Variants in APLP2 observed in about 807,000 individuals in gnomAD.
APLP2 encodes amyloid beta precursor like protein 2, also known as CDEI box-binding protein.
In APLP2, 53 loss-of-function variants were observed where a neutral mutation model predicts 89.9. That is an observed-to-expected ratio of 0.59 (90% confidence interval 0.47 to 0.74). APLP2 has a LOEUF of 0.74. Among genes scored for constraint, APLP2 ranks in the 30% least tolerant of loss-of-function variants. The pLI is 0.00. For missense variants in APLP2, 973 were observed against 975.9 expected (o/e 1.00, Z 0.04); for synonymous variants, 372 against 348.6 (o/e 1.07, Z -0.75).
chr11:130,087,710 C>T (rs1397078034), intron 1 of APLP2, among the ~76,000 whole-genome samples: 1 of 152,200 alleles, frequency 6.6e-6, no homozygotes, highest in Non-Finnish European at 1.5e-5. Context: ...TTGGACTCCA[C>T]CCTGCCCCTT....
rs193237072 is a variant in APLP2, at chr11:130,129,579, T to C, written c.1455+373T>C. On this transcript the variant is annotated intron_variant, in intron 10 of 16. Transcript: ENST00000338167. Reference sequence around the variant, plus strand: ...GATTATGAAGAAAGGGGTAAAGTAATTTCTTCTGAAACTCTTGTGTGAGTG... The same window carrying C: ...GATTATGAAGAAAGGGGTAAAGTAACTTCTTCTGAAACTCTTGTGTGAGTG... Among the ~76,000 whole-genome samples the C allele has an allele frequency of 2.0e-3, 299 of 152,350 alleles. 2 individuals carry two copies. Among genetic ancestry groups the C allele is most frequent in the Admixed American group, 7.1e-3 (108 of 15,310 alleles).
intron 1 of APLP2, among the ~76,000 whole-genome samples, chr11:130,095,094 C>T (rs1465916565): frequency 3.9e-5 from 4 of 101,504 alleles, no homozygotes. Context: ...AATCACAGTA[C>T]GCTTTTATGT....
At chr11:130,100,091 C>T (rs1042877024) in intron 1 of APLP2, among the ~76,000 whole-genome samples, 1 of 152,218 alleles carries the variant, frequency 6.6e-6, no homozygotes, top group Non-Finnish European at 1.5e-5. Flanking sequence ...CTCATTTAAA[C>T]GTCAGAGCAG....
chr11:130,109,367 A>G, intron 1 of APLP2, 62 bp from the exon 2 acceptor site: 1 of 1,467,942 alleles, frequency 6.8e-7, no homozygotes. Flanking sequence ...ATAGACCTGA[A>G]TGACTGTTGC....
Position 130,143,522 on chromosome 11 carries a change from C to A in APLP2, c.*74C>A. On this transcript the variant is annotated 3_prime_UTR_variant, in exon 17 of 17. Coordinates refer to ENST00000338167, the MANE Select transcript of APLP2 (RefSeq NM_001142276.2). ...AGATCCCACGATTCCGATCGACTGCCAAGCAGCAGCCGCTGCCAGGGGCTG... is the reference window on the plus strand; with the variant it reads ...AGATCCCACGATTCCGATCGACTGCAAAGCAGCAGCCGCTGCCAGGGGCTG... 4 of 1,294,766 alleles carry A rather than the reference C, an allele frequency of 3.1e-6. No individual in the cohort carries two copies. Among genetic ancestry groups the A allele is most frequent in the Non-Finnish European group, 4.5e-6 (4 of 896,800 alleles). The allele number at this position is 1,294,766 out of a possible 1,614,324, so 80.2% of individuals were successfully genotyped here. A position where few individuals can be genotyped will look rare whatever the true frequency, so the allele number is the denominator to read the frequency against.
intron 13 of APLP2, 85 bp from the exon 14 acceptor site, chr11:130,140,313 C>T (rs1952199136): frequency 1.9e-6 from 2 of 1,033,418 alleles, no homozygotes; most frequent in East Asian, 5.1e-5. Context: ...GCTCACTGGC[C>T]CTCAGGAGGG....
chr11:130,125,300 T>C (rs536647016), intron 7 of APLP2, among the ~76,000 whole-genome samples: 1 of 152,288 alleles, frequency 6.6e-6, no homozygotes, highest in African/African-American at 2.4e-5. Flanking sequence ...TGCTGTTCCC[T>C]TTTTCCAGTC....
chr11:130,142,938 G>T lies in APLP2; in HGVS notation c.2155-409G>T, dbSNP rs114995392. On this transcript the variant is annotated intron_variant, in intron 16 of 16. Coordinates refer to ENST00000338167, the MANE Select transcript of APLP2 (RefSeq NM_001142276.2). ...AGTTACTTGGTTTTATCTCCTGCTG[G>T]AGACTGGCCTAGCTGTAGAATTTCA... is the stretch of plus-strand genomic sequence containing the variant. 2.4e-3 allele frequency among the ~76,000 whole-genome samples: 362 copies of T among 152,256 alleles called. 2 individuals carry two copies. Among genetic ancestry groups the T allele is most frequent in the African/African-American group, 8.3e-3 (346 of 41,524 alleles).
At chr11:130,142,879 C>A (rs1051753710) in intron 16 of APLP2, among the ~76,000 whole-genome samples, 2 of 152,192 alleles carry the variant, frequency 1.3e-5, no homozygotes, top group African/African-American at 2.4e-5. Flanking sequence ...TCCCAAAGTG[C>A]TGGGATTACA....
At chr11:130,132,359 T>G (rs1483909679) in intron 11 of APLP2, among the ~76,000 whole-genome samples, 1 of 151,540 alleles carries the variant, frequency 6.6e-6, no homozygotes, top group African/African-American at 2.4e-5. Context: ...TCCATTTAGC[T>G]TTTTTTTTCA....
chr11:130,123,781 T>C lies in APLP2; in HGVS notation c.1090+2T>C, dbSNP rs2135967845. ...GTATGGCTGTGTGTAAAGCGATGAG[T>C]AAGTCCTGCCTCGCGCTGGTCCCGT... On this transcript the variant is annotated splice_donor_variant, in intron 7 of 16. Transcript: ENST00000338167. LOFTEE classifies it high-confidence loss of function. The surrounding 1 kb of genome is among the most constrained non-coding windows in gnomAD (Gnocchi z 4.0). The C allele has an allele frequency of 6.2e-7, 1 of 1,614,040 alleles. No homozygotes were observed. Among genetic ancestry groups the C allele is most frequent in the Non-Finnish European group, 8.5e-7 (1 of 1,179,932 alleles).
intron 1 of APLP2, among the ~76,000 whole-genome samples, chr11:130,087,394 G>A (rs942336874): frequency 6.6e-6 from 1 of 152,070 alleles, no homozygotes; most frequent in Non-Finnish European, 1.5e-5. Flanking sequence ...TAAAAATTCC[G>A]CTCTGGTTTT....
At chr11:130,138,353 G>C (rs1951881242) in intron 13 of APLP2, among the ~76,000 whole-genome samples, 1 of 152,180 alleles carries the variant, frequency 6.6e-6, no homozygotes, top group Non-Finnish European at 1.5e-5. Context: ...GGATATGCCT[G>C]TTCGTGGGGA....
At chr11:130,072,474 CTTT>C (rs562054930) in intron 1 of APLP2, among the ~76,000 whole-genome samples, 7 of 110,282 alleles carry the variant, frequency 6.3e-5, no homozygotes, top group Non-Finnish European at 3.6e-5. Context: ...GGAATATCGT[CTTT>C]TTTTTTTTTT....
chr11:130,132,754 G>A (rs1022880169), intron 11 of APLP2, among the ~76,000 whole-genome samples: 3 of 152,080 alleles, frequency 2.0e-5, no homozygotes, highest in African/African-American at 7.2e-5. Flanking sequence ...TAGCAATTTA[G>A]TTAAATAGGA....
At chr11:130,091,836 C>T (rs1487688507) in intron 1 of APLP2, among the ~76,000 whole-genome samples, 1 of 149,062 alleles carries the variant, frequency 6.7e-6, no homozygotes, top group African/African-American at 2.5e-5. Context: ...CCCCCACCTC[C>T]CTCCCGGACG....
At chr11:130,121,505 C>G (rs1478712017) in intron 4 of APLP2, 109 bp from the exon 5 acceptor site, 2 of 1,324,062 alleles carry the variant, frequency 1.5e-6, no homozygotes, top group Non-Finnish European at 2.0e-6. Context: ...TAAGAGAAAG[C>G]ATTGCTAAGT....
At chr11:130,108,360 C>T (rs1338216823) in intron 1 of APLP2, among the ~76,000 whole-genome samples, 9 of 152,108 alleles carry the variant, frequency 5.9e-5, no homozygotes, top group Non-Finnish European at 1.3e-4. Context: ...AACAAATTTA[C>T]AAGAAAAAAT....
intron 2 of APLP2, among the ~76,000 whole-genome samples, chr11:130,110,183 G>A (rs1948372738): frequency 6.6e-6 from 1 of 152,228 alleles, no homozygotes; most frequent in Non-Finnish European, 1.5e-5. Flanking sequence ...TTCATTGACA[G>A]ATGTTTCCAT....
Sources: gnomAD v4.1 joint callset for allele counts (sites outside exome capture counted in the v4.1 genomes callset) on GRCh38, gnomAD v4.1.1 for gene constraint, Gnocchi (gnomAD v3.1) non-coding constraint, MANE v1.5 for transcripts, NCBI Gene and HGNC (gene_info 2026-07-23, HGNC 2026-07-21) for gene names.